Variants in PRKCE observed in about 807,000 individuals in gnomAD.
The protein encoded by PRKCE is protein kinase C epsilon type.
PRKCE carries 16 observed loss-of-function variants against 85.4 expected under a neutral mutation model. The ratio of observed to expected loss-of-function variants is 0.19; its 90% CI spans 0.13 to 0.28. The LOEUF (loss-of-function observed/expected upper bound fraction) is 0.28. Among genes scored for constraint, PRKCE ranks in the 10% least tolerant of loss-of-function variants. The probability of loss-of-function intolerance (pLI) is 1.00; values close to 1 mark genes in which losing one functional copy is unlikely to be tolerated. For synonymous variants in PRKCE, 388 were observed against 371.5 expected (o/e 1.04, Z -0.51); for missense variants, 573 against 975.2 (o/e 0.59, Z 5.49).
chr2:46,088,525 A>G (rs1019052786), intron 11 of PRKCE, among the ~76,000 whole-genome samples: 7 of 152,150 alleles, frequency 4.6e-5, no homozygotes, highest in African/African-American at 1.7e-4. Context: ...TCAAACTCAA[A>G]GGGCCATTTC....
chr2:45,788,602 G>T (rs1686799231), intron 1 of PRKCE, among the ~76,000 whole-genome samples: 1 of 152,160 alleles, frequency 6.6e-6, no homozygotes, highest in Non-Finnish European at 1.5e-5. Flanking sequence ...CTGATCAGCT[G>T]TTGGTTTAGA....
intron 6 of PRKCE, among the ~76,000 whole-genome samples, chr2:45,994,439 T>G (rs954979748): frequency 2.0e-5 from 3 of 152,210 alleles, no homozygotes; most frequent in African/African-American, 7.2e-5. Flanking sequence ...GTGTTCTGCT[T>G]CTTCATCCCT....
At chr2:45,928,923 A>G (rs1457764688) in intron 2 of PRKCE, among the ~76,000 whole-genome samples, 2 of 152,178 alleles carry the variant, frequency 1.3e-5, no homozygotes, top group African/African-American at 4.8e-5. Flanking sequence ...CCCCTCTGTC[A>G]GCGCTGAGGT....
At chr2:45,822,951 G>C (rs964765921) in intron 1 of PRKCE, among the ~76,000 whole-genome samples, 18 of 152,196 alleles carry the variant, frequency 1.2e-4, no homozygotes, top group African/African-American at 4.3e-4. Flanking sequence ...ATAAGTGATG[G>C]ATCTATTTCA....
At chr2:46,116,695 G>A (rs979164523) in intron 11 of PRKCE, among the ~76,000 whole-genome samples, 3 of 152,072 alleles carry the variant, frequency 2.0e-5, no homozygotes, top group Admixed American at 6.6e-5. Flanking sequence ...GGCCAGAGAC[G>A]CTAATTCAGT....
intron 1 of PRKCE, among the ~76,000 whole-genome samples, chr2:45,722,389 A>C (rs1680696023): frequency 6.6e-6 from 1 of 152,126 alleles, no homozygotes; most frequent in South Asian, 2.1e-4. Flanking sequence ...TGAGAGTAAG[A>C]GAGTGAAAGT....
intron 2 of PRKCE, among the ~76,000 whole-genome samples, chr2:45,970,915 A>G (rs866334661): frequency 1.3e-5 from 2 of 150,480 alleles, no homozygotes; most frequent in Non-Finnish European, 3.0e-5. Flanking sequence ...TATACATACT[A>G]TATATACATA....
intron 2 of PRKCE, among the ~76,000 whole-genome samples, chr2:45,873,187 T>A (rs1043017718): frequency 6.6e-6 from 1 of 152,192 alleles, no homozygotes; most frequent in African/African-American, 2.4e-5. Flanking sequence ...CCAGCCTAAT[T>A]CCTGGAGTGA....
rs1233760584 is a variant in PRKCE at position 46,130,340 on chromosome 2, G to A, written c.1593-14753G>A. On this transcript the variant is annotated intron_variant, in intron 11 of 14. Coordinates refer to ENST00000306156, the MANE Select transcript of PRKCE (RefSeq NM_005400.3). ...TACTATTACATATATTAATCATACT[G>A]TATACTTTATCATACATACTTTGTT... is the stretch of plus-strand genomic sequence containing the variant. Among the ~76,000 whole-genome samples the A allele has an allele frequency of 2.6e-5, 4 of 151,470 alleles. No individual in the cohort carries two copies. The East Asian group carries it at 7.7e-4, about 29-fold the overall frequency.
chr2:46,157,885 G>A (rs540818250), intron 13 of PRKCE, among the ~76,000 whole-genome samples: 18 of 152,368 alleles, frequency 1.2e-4, no homozygotes, highest in Non-Finnish European at 1.0e-4. Context: ...CCACTGAGCT[G>A]TGTCTCCGAG....
chr2:46,081,590 C>T (rs12467673), intron 10 of PRKCE, among the ~76,000 whole-genome samples: 1 of 152,016 alleles, frequency 6.6e-6, no homozygotes, highest in Admixed American at 6.5e-5. Flanking sequence ...GGGGCAGCTT[C>T]CTGGGAGAAA....
At chr2:45,885,002 T>TATATATATTTG (rs1553440407) in intron 2 of PRKCE, among the ~76,000 whole-genome samples, 4 of 97,660 alleles carry the variant, frequency 4.1e-5, no homozygotes, top group Non-Finnish European at 8.4e-5. Context: ...TATATATATA[T>TATATATATTTG]TTGTTGTTGT....
In PRKCE at chr2:45,976,011, A is replaced by T. The variant is rs142527851; in HGVS notation, c.413-418A>T. Among the ~76,000 whole-genome samples the T allele has an allele frequency of 3.8e-3, 577 of 152,274 alleles. 7 individuals are homozygous for T. Among genetic ancestry groups the T allele is most frequent in the African/African-American group, 0.013 (550 of 41,554 alleles). On this transcript the variant is annotated intron_variant, in intron 2 of 14. Transcript: ENST00000306156. Reference sequence around the variant, plus strand: ...GGCTGGCACTGCCATTGCCATTTACAAAGGGAGATGCGCTCAGATGCTCAG... The same window carrying T: ...GGCTGGCACTGCCATTGCCATTTACTAAGGGAGATGCGCTCAGATGCTCAG...
intron 1 of PRKCE, among the ~76,000 whole-genome samples, chr2:45,770,086 C>T (rs963869930): frequency 1.3e-5 from 2 of 152,210 alleles, no homozygotes; most frequent in African/African-American, 4.8e-5. Flanking sequence ...CTTCTCTATG[C>T]GCATGTCTTT....
At chr2:45,721,803 G>C (rs543674441) in intron 1 of PRKCE, among the ~76,000 whole-genome samples, 1 of 151,614 alleles carries the variant, frequency 6.6e-6, no homozygotes, top group African/African-American at 2.4e-5. Flanking sequence ...TTTAAGCCTA[G>C]AAGTTCAAAG....
At chr2:45,675,601 C>T (rs1676398944) in intron 1 of PRKCE, 1 of 152,182 alleles carries the variant, frequency 6.6e-6, no homozygotes, top group African/African-American at 2.4e-5. Flanking sequence ...TGGTGCATTT[C>T]CCGGTTTGGT....
At chr2:45,653,978 G>A (rs1447694647) in intron 1 of PRKCE, among the ~76,000 whole-genome samples, 1 of 152,170 alleles carries the variant, frequency 6.6e-6, no homozygotes, top group Non-Finnish European at 1.5e-5. Flanking sequence ...CCTCATGAAT[G>A]CAGTGCATAT....
chr2:45,992,630 C>T (rs916927255), intron 6 of PRKCE, among the ~76,000 whole-genome samples: 2 of 152,188 alleles, frequency 1.3e-5, no homozygotes, highest in African/African-American at 4.8e-5. Context: ...GCCAAATTAC[C>T]CCAACATAAA....
At chr2:46,007,354 C>A in intron 8 of PRKCE, 108 bp from the exon 9 acceptor site, 5 of 1,093,560 alleles carry the variant, frequency 4.6e-6, no homozygotes, top group South Asian at 1.4e-5. Context: ...TTGTGAAGAA[C>A]CAGAAAGAGG....
Sources: gnomAD v4.1 joint callset for allele counts (sites outside exome capture counted in the v4.1 genomes callset) on GRCh38, gnomAD v4.1.1 for gene constraint, MANE v1.5 for transcripts, NCBI Gene and HGNC (gene_info 2026-07-23, HGNC 2026-07-21) for gene names.